The following RABGAP1L variants were observed in gnomAD, a reference collection of about 807,000 sequenced individuals.
RABGAP1L encodes the protein rab GTPase-activating protein 1-like.
RABGAP1L carries 63 observed loss-of-function variants against 137.7 expected under a neutral mutation model. That is an observed-to-expected ratio of 0.46 (90% confidence interval 0.37 to 0.56). The LOEUF (loss-of-function observed/expected upper bound fraction) is 0.56. Ranked by LOEUF, RABGAP1L falls within the 20% of genes least tolerant of loss-of-function variation. The pLI is 0.00. For synonymous variants in RABGAP1L, 431 were observed against 433.7 expected (o/e 0.99, Z 0.08); for missense variants, 1,095 against 1,244.0 (o/e 0.88, Z 1.80).
chr1:174,715,317 G>A (rs1680910950), intron 17 of RABGAP1L, among the ~76,000 whole-genome samples: 1 of 152,180 alleles, frequency 6.6e-6, no homozygotes, highest in African/African-American at 2.4e-5. Flanking sequence ...TTGTACAAAA[G>A]AGAAGGAACT....
chr1:174,799,905 T>C (rs940216897), intron 18 of RABGAP1L: 7 of 986,026 alleles, frequency 7.1e-6, no homozygotes, highest in African/African-American at 1.9e-5. Flanking sequence ...TTCTCACACA[T>C]AGACACGCAC....
At chr1:174,874,872 C>T (rs1458842114) in intron 19 of RABGAP1L, among the ~76,000 whole-genome samples, 2 of 151,980 alleles carry the variant, frequency 1.3e-5, no homozygotes, top group South Asian at 2.1e-4. Flanking sequence ...TAAGGGGAAA[C>T]GAAACCTTGA....
At position 174,543,049 on chromosome 1, in the gene RABGAP1L, G is replaced by A. The variant is rs371288777; in HGVS notation, c.1711-94326G>A. ...AATTATGGAATAAGGGTGATGTGGT[G>A]CTGAGAAGAATGTATATTCTGTTGA... On this transcript the variant is annotated intron_variant, in intron 13 of 25. Transcript: ENST00000681986. 1.6e-3 allele frequency among the ~76,000 whole-genome samples: 250 copies of A among 152,312 alleles called. 2 individuals are homozygous for A. Among genetic ancestry groups the A allele is most frequent in the South Asian group, 8.1e-3 (39 of 4,806 alleles).
At chr1:174,884,196 C>G (rs1471874703) in intron 19 of RABGAP1L, among the ~76,000 whole-genome samples, 1 of 152,200 alleles carries the variant, frequency 6.6e-6, no homozygotes, top group East Asian at 1.9e-4. Flanking sequence ...ACCAAAATAG[C>G]AGCACTGTGC....
chr1:174,742,179 GA>G, intron 17 of RABGAP1L, among the ~76,000 whole-genome samples: 1 of 113,494 alleles, frequency 8.8e-6, no homozygotes, highest in Middle Eastern at 4.4e-3. Context: ...GAGGAAAGAA[GA>G]AGAAGAGGAG....
At chr1:174,672,281 C>CTT (rs1256381168) in intron 14 of RABGAP1L, among the ~76,000 whole-genome samples, 11,247 of 118,228 alleles carry the variant, frequency 0.095, 658 homozygotes, top group East Asian at 0.2. Context: ...TTTTTCCTTT[C>CTT]TTTTTTTTTT....
intron 13 of RABGAP1L, among the ~76,000 whole-genome samples, chr1:174,403,567 G>A (rs1187606596): frequency 6.6e-6 from 1 of 151,950 alleles, no homozygotes; most frequent in South Asian, 2.1e-4. Context: ...AGTGCTTGGC[G>A]TATAGTAAGT....
intron 1 of RABGAP1L, among the ~76,000 whole-genome samples, chr1:174,182,950 A>C (rs1666496403): frequency 6.6e-6 from 1 of 152,146 alleles, no homozygotes; most frequent in Non-Finnish European, 1.5e-5. Flanking sequence ...TTCTGTGAAC[A>C]TGTTGTAATA....
At chr1:174,703,185 G>A in intron 17 of RABGAP1L, among the ~76,000 whole-genome samples, 1 of 152,124 alleles carries the variant, frequency 6.6e-6, no homozygotes, top group East Asian at 1.9e-4. Flanking sequence ...ATTGTGTAGT[G>A]GTTAAGTCTG....
intron 12 of RABGAP1L, among the ~76,000 whole-genome samples, chr1:174,391,734 T>C (rs1231982018): frequency 1.3e-5 from 2 of 152,228 alleles, no homozygotes; most frequent in African/African-American, 4.8e-5. Context: ...CTGATCTCTA[T>C]ATAACATGTA....
intron 12 of RABGAP1L, among the ~76,000 whole-genome samples, chr1:174,386,991 GAGA>G (rs910260443): frequency 4.6e-5 from 7 of 152,076 alleles, no homozygotes; most frequent in Non-Finnish European, 7.4e-5. Flanking sequence ...CAGTCAAATA[GAGA>G]TCTCCACTCA....
At chr1:174,988,053 C>T (rs1671753503) in intron 24 of RABGAP1L, among the ~76,000 whole-genome samples, 1 of 152,212 alleles carries the variant, frequency 6.6e-6, no homozygotes, top group African/African-American at 2.4e-5. Context: ...TTGTGATCTG[C>T]CTGCCTTGGA....
chr1:174,840,827 T>TAAAAAAAAAAAAAAAAAA (rs5778818), intron 19 of RABGAP1L, among the ~76,000 whole-genome samples: 2 of 126,122 alleles, frequency 1.6e-5, no homozygotes, highest in Non-Finnish European at 3.3e-5. Context: ...AAAAAAAAAA[T>TAAAAAAAAAAAAAAAAAA]AAAAAAAAAA....
At chr1:174,179,237 C>T (rs1214118716) in intron 1 of RABGAP1L, among the ~76,000 whole-genome samples, 3 of 151,852 alleles carry the variant, frequency 2.0e-5, no homozygotes, top group African/African-American at 4.8e-5. Context: ...TTGTTTTCTT[C>T]GAATTGACTG....
intron 1 of RABGAP1L, among the ~76,000 whole-genome samples, 172 bp from the exon 2 acceptor site, chr1:174,218,953 C>T (rs989683178): frequency 3.9e-5 from 6 of 152,066 alleles, no homozygotes; most frequent in African/African-American, 1.4e-4. Flanking sequence ...GAGTACATTT[C>T]CATTAAGTGG....
At chr1:174,853,332 T>C (rs1315144843) in intron 19 of RABGAP1L, among the ~76,000 whole-genome samples, 1 of 152,024 alleles carries the variant, frequency 6.6e-6, no homozygotes, top group Non-Finnish European at 1.5e-5. Flanking sequence ...TTTACAGATA[T>C]TATTTTAAAA....
intron 15 of RABGAP1L, among the ~76,000 whole-genome samples, chr1:174,689,006 GAA>G (rs1678675454): frequency 6.6e-6 from 1 of 152,082 alleles, no homozygotes; most frequent in Non-Finnish European, 1.5e-5. Context: ...AATCATGACT[GAA>G]AAGAGACAGG....
chr1:174,576,478 AG>A (rs879817582), intron 13 of RABGAP1L, among the ~76,000 whole-genome samples: 1 of 152,166 alleles, frequency 6.6e-6, no homozygotes, highest in Non-Finnish European at 1.5e-5. Flanking sequence ...GGCTCTCTGC[AG>A]GGGGAAGCAA....
intron 1 of RABGAP1L, among the ~76,000 whole-genome samples, chr1:174,201,232 G>A (rs1668072179): frequency 6.6e-6 from 1 of 151,766 alleles, no homozygotes; most frequent in Admixed American, 6.6e-5. Flanking sequence ...TGAAATTACA[G>A]GTGTGAGCCA....
Sources: gnomAD v4.1 joint callset for allele counts (sites outside exome capture counted in the v4.1 genomes callset) on GRCh38, gnomAD v4.1.1 for gene constraint, MANE v1.5 for transcripts, NCBI Gene and HGNC (gene_info 2026-07-23, HGNC 2026-07-21) for gene names.